Variants in WWTR1 observed in about 807,000 individuals in gnomAD.
The protein encoded by WWTR1 is WW domain containing transcription regulator 1.
In WWTR1, 13 loss-of-function variants were observed where a neutral mutation model predicts 40.1. That is an observed-to-expected ratio of 0.32 (90% CI 0.21 to 0.52). WWTR1 has a LOEUF of 0.52. Among genes scored for constraint, WWTR1 ranks in the 20% least tolerant of loss-of-function variants. The pLI is 0.97. For synonymous variants in WWTR1, 230 were observed against 210.1 expected (o/e 1.09, Z -0.82); for missense variants, 436 against 523.1 (o/e 0.83, Z 1.63).
At chr3:149,628,843 A>T (rs1455583314) in intron 2 of WWTR1, among the ~76,000 whole-genome samples, 2 of 151,578 alleles carry the variant, frequency 1.3e-5, no homozygotes, top group South Asian at 2.1e-4. Flanking sequence ...GCATGATAAC[A>T]GCTCACTACA....
chr3:149,577,454 T>C (rs923889151), intron 2 of WWTR1, among the ~76,000 whole-genome samples: 1 of 152,104 alleles, frequency 6.6e-6, no homozygotes, highest in Non-Finnish European at 1.5e-5. Context: ...GTGGGCTTTT[T>C]CCCCTTCCTT....
At chr3:149,568,749 A>G (rs1441371930) in intron 3 of WWTR1, among the ~76,000 whole-genome samples, 9 of 152,114 alleles carry the variant, frequency 5.9e-5, no homozygotes, top group Non-Finnish European at 1.2e-4. Flanking sequence ...TTACAGGAAT[A>G]CATCTAAAGC....
At chr3:149,540,064 C>T (rs905264632) in intron 4 of WWTR1, among the ~76,000 whole-genome samples, 1 of 141,056 alleles carries the variant, frequency 7.1e-6, no homozygotes, top group East Asian at 2.3e-4. Context: ...CTCCACCATT[C>T]CATCTCCTCC....
At chr3:149,585,121 C>CGTGTGTGTGTGTGTGT (rs61655468) in intron 2 of WWTR1, among the ~76,000 whole-genome samples, 7,362 of 144,288 alleles carry the variant, frequency 0.051, 327 homozygotes, top group East Asian at 0.18. Flanking sequence ...TGATTTCTTT[C>CGTGTGTGTGTGTGTGT]GTGTGTGTGT....
rs377154956 is a variant in WWTR1 at position 149,570,693 on chromosome 3, T to C, written c.568+2171A>G. ...GTTTCAGAATGTTCAGATTACAACT[T>C]CTTTAGATATACTTTACTAGTGCAA... On this transcript the variant is annotated intron_variant, in intron 3 of 6. Coordinates refer to ENST00000360632, the MANE Select transcript of WWTR1 (RefSeq NM_015472.6). 6.2e-4 allele frequency among the ~76,000 whole-genome samples: 95 copies of C among 152,246 alleles called. 2 individuals are homozygous for C. The highest frequency in any genetic ancestry group is 2.3e-3 in the East Asian group (12 of 5,186).
chr3:149,622,496 AG>A lies in WWTR1; in HGVS notation c.431+34379del, dbSNP rs1470323651. 7.5e-3 allele frequency among the ~76,000 whole-genome samples: 996 copies of A among 133,600 alleles called. 5 individuals carry two copies. The highest frequency in any genetic ancestry group is 0.023 in the African/African-American group (697 of 30,630). 87.6% of individuals were successfully genotyped at this position (133,600 alleles called of 152,430 possible). ...AAGGAAGGAAGGAAGGAAGGAAGGA[AG>A]GAAGGAAGAAAGAAAGAAAGAAAGA... On this transcript the variant is annotated intron_variant, in intron 2 of 6. Coordinates refer to ENST00000360632, the MANE Select transcript of WWTR1 (RefSeq NM_015472.6).
At chr3:149,688,993 C>T (rs964612372) in intron 1 of WWTR1, among the ~76,000 whole-genome samples, 8 of 152,122 alleles carry the variant, frequency 5.3e-5, no homozygotes, top group African/African-American at 1.7e-4. Context: ...CTGAAAAATT[C>T]AGTTGAGAAA....
chr3:149,719,036 G>C (rs2108236682), intron 4 of WWTR1, among the ~76,000 whole-genome samples: 1 of 152,150 alleles, frequency 6.6e-6, no homozygotes, highest in Non-Finnish European at 1.5e-5. Context: ...ATGTTGGCCA[G>C]GCTGGTCTTG....
At chr3:149,524,725 A>G (rs1735213879) in intron 6 of WWTR1, among the ~76,000 whole-genome samples, 3 of 152,228 alleles carry the variant, frequency 2.0e-5, no homozygotes, top group Admixed American at 2.0e-4. Flanking sequence ...ACACCTGGCT[A>G]TGAGTTTGAC....
intron 4 of WWTR1, among the ~76,000 whole-genome samples, chr3:149,534,554 A>G (rs1481851232): frequency 6.6e-6 from 1 of 152,202 alleles, no homozygotes; most frequent in African/African-American, 2.4e-5. Flanking sequence ...GATGTATTCA[A>G]TGATAGTTTT....
In WWTR1 at chr3:149,607,801, T is replaced by C. The variant is rs368135456; in HGVS notation, c.432-34801A>G. Among the ~76,000 whole-genome samples the C allele has an allele frequency of 6.0e-4, 91 of 152,330 alleles. 1 individual carries two copies. The South Asian group carries it at 0.013, about 23-fold the overall frequency. On this transcript the variant is annotated intron_variant, in intron 2 of 6. Coordinates refer to ENST00000360632, the MANE Select transcript of WWTR1 (RefSeq NM_015472.6). ...CTGCAAAAGTCAACAAAGACCTGTG[T>C]GACTGTAAAATTTCCTCTGGTAATT...
chr3:149,594,368 G>T (rs951752381), intron 2 of WWTR1, among the ~76,000 whole-genome samples: 7 of 151,818 alleles, frequency 4.6e-5, no homozygotes, highest in Admixed American at 3.9e-4. Flanking sequence ...ACAATATTTG[G>T]TTTGAGCAAG....
At chr3:149,606,399 A>C (rs999302439) in intron 2 of WWTR1, among the ~76,000 whole-genome samples, 2 of 152,220 alleles carry the variant, frequency 1.3e-5, no homozygotes, top group Non-Finnish European at 2.9e-5. Flanking sequence ...TTTTATCATT[A>C]AAATTTCTAA....
intron 3 of WWTR1, among the ~76,000 whole-genome samples, chr3:149,557,419 T>C (rs1300735553): frequency 6.6e-6 from 1 of 152,060 alleles, no homozygotes; most frequent in Non-Finnish European, 1.5e-5. Flanking sequence ...GATCACAGAG[T>C]CTAGATGACT....
intron 2 of WWTR1, among the ~76,000 whole-genome samples, chr3:149,612,395 C>T (rs1266105849): frequency 6.6e-6 from 1 of 151,820 alleles, no homozygotes; most frequent in East Asian, 1.9e-4. Context: ...AAAAACTCCA[C>T]CTACCAGTAT....
intron 2 of WWTR1, among the ~76,000 whole-genome samples, chr3:149,631,032 G>C (rs1268010256): frequency 6.6e-6 from 1 of 152,180 alleles, no homozygotes; most frequent in African/African-American, 2.4e-5. Flanking sequence ...CAGTATGTCA[G>C]CCTGGAAATG....
upstream of WWTR1, among the ~76,000 whole-genome samples, chr3:149,662,019 C>G (rs536683848): frequency 6.6e-6 from 1 of 152,226 alleles, no homozygotes; most frequent in Non-Finnish European, 1.5e-5. Flanking sequence ...GCGTGAGCCA[C>G]CTCGCCCGGC....
At chr3:149,628,233 G>A (rs920150621) in intron 2 of WWTR1, among the ~76,000 whole-genome samples, 3 of 152,154 alleles carry the variant, frequency 2.0e-5, no homozygotes, top group Non-Finnish European at 2.9e-5. Context: ...AGCTGGGCGT[G>A]GTGGCGGGCG....
chr3:149,657,348 C>A (rs1713307635), intron 1 of WWTR1, 39 bp from the exon 2 acceptor site: 3 of 1,564,748 alleles, frequency 1.9e-6, no homozygotes, highest in South Asian at 1.2e-5. Flanking sequence ...TATTTAAAGT[C>A]GGAGGAAGTG....
Sources: allele counts gnomAD v4.1 joint callset (sites outside exome capture counted in the v4.1 genomes callset), GRCh38; gene constraint gnomAD v4.1.1; transcripts MANE v1.5; gene names NCBI Gene and HGNC (gene_info 2026-07-23, HGNC 2026-07-21).